Variants in SLCO4C1 observed in about 807,000 individuals in gnomAD.
SLCO4C1 encodes the protein organic anion transporter M1.
SLCO4C1 carries 58 observed loss-of-function variants against 72.1 expected under a neutral mutation model. That is an observed-to-expected ratio of 0.80 (90% CI 0.65 to 1.00). SLCO4C1 has a LOEUF of 1.00. Ranked by LOEUF, SLCO4C1 falls within the 50% of genes least tolerant of loss-of-function variation. The pLI is 0.00. For missense variants in SLCO4C1, 898 were observed against 857.9 expected, an observed-to-expected ratio of 1.05 and a Z score of -0.58; for synonymous variants, 297 against 312.5, an observed-to-expected ratio of 0.95 and a Z score of 0.52.
At position 102,236,977 on chromosome 5, in the gene SLCO4C1, C is replaced by A; in HGVS notation, c.2056G>T (p.Ala686Ser). 1 of 1,610,020 alleles carries A rather than the reference C, an allele frequency of 6.2e-7. No homozygotes were observed. The highest frequency in any genetic ancestry group is 8.5e-7 in the Non-Finnish European group (1 of 1,179,048). Residue 686 changes from alanine (A) to serine (S), a missense_variant, in exon 13 of 13, where the codon GCA (alanine) becomes TCA (serine). Coordinates refer to ENST00000310954, the MANE Select transcript of SLCO4C1 (RefSeq NM_180991.5). ...KVITMFFNGF[A>S]IFLYKPPPSA... ...GGAGGTGGTTTATACAAAAAGATTGCAAATCCATTGAAGAACATGGTGATA... is the reference window on the plus strand; with the variant it reads ...GGAGGTGGTTTATACAAAAAGATTGAAAATCCATTGAAGAACATGGTGATA...
Position 102,258,006 on chromosome 5 carries a change from A to C in SLCO4C1, c.1210T>G (p.Phe404Val). 1 of 1,610,270 alleles carries C rather than the reference A, an allele frequency of 6.2e-7. No individual in the cohort carries two copies. The highest frequency in any genetic ancestry group is 8.5e-7 in the Non-Finnish European group (1 of 1,178,670). Residue 404 changes from phenylalanine to valine, a missense_variant, in exon 7 of 13, where the codon TTT (phenylalanine) becomes GTT (valine). Coordinates refer to ENST00000310954, the MANE Select transcript of SLCO4C1 (RefSeq NM_180991.5). ...EALITTGFAT[F>V]LPKFIENQFG... ...TGATTTTCTATAAATTTAGGTAAAA[A>C]TGTAGCAAATCCAGTAGTAATTAAG...
chr5:102,252,930 A>C (rs1045683364), intron 8 of SLCO4C1, among the ~76,000 whole-genome samples: 1 of 152,136 alleles, frequency 6.6e-6, no homozygotes, highest in African/African-American at 2.4e-5. Flanking sequence ...GCATATATAA[A>C]CATCTTTATG....
Position 102,249,650 on chromosome 5 carries a change from G to A in SLCO4C1, c.1608C>T (p.His536=). ...CFAGCSNPVA[H]RKPKVYYNCS... The stretch of plus-strand genomic sequence containing the variant: ...AGACATAAGCTACCTTTGGCTTCCT[G>A]TGTGCAACTGGGTTTGAACAGCCTG... The change falls in exon 9 of 13, where the codon CAC becomes CAT. Residue 536 remains histidine (H), a synonymous_variant. Transcript: ENST00000310954. 6.2e-7 allele frequency: 1 copy of A among 1,613,682 alleles called. No individual in the cohort carries two copies. Among genetic ancestry groups the A allele is most frequent in the Non-Finnish European group, 8.5e-7 (1 of 1,179,852 alleles).
chr5:102,246,351 C>A (rs1220400865), intron 10 of SLCO4C1, among the ~76,000 whole-genome samples: 1 of 152,026 alleles, frequency 6.6e-6, no homozygotes, highest in East Asian at 1.9e-4. Flanking sequence ...TTCAAAGGAT[C>A]ATGAGTGGCT....
In SLCO4C1 at chr5:102,248,217, C is replaced by T. The variant is rs139083911; in HGVS notation, c.1621-775G>A. ...GAAATATAAGATTAAAACTGTATTGCTGTGAACAAATGTATATGGGTGCTT... is the reference window on the plus strand; with the variant it reads ...GAAATATAAGATTAAAACTGTATTGTTGTGAACAAATGTATATGGGTGCTT... On this transcript the variant is annotated intron_variant, in intron 9 of 12. Coordinates refer to ENST00000310954, the MANE Select transcript of SLCO4C1 (RefSeq NM_180991.5). Among the ~76,000 whole-genome samples the T allele has an allele frequency of 2.1e-3, 320 of 152,066 alleles. 3 individuals are homozygous for T. The highest frequency in any genetic ancestry group is 7.3e-3 in the African/African-American group (303 of 41,506).
chr5:102,295,470 C>T (rs759642286), intron 1 of SLCO4C1, among the ~76,000 whole-genome samples: 1 of 152,170 alleles, frequency 6.6e-6, no homozygotes, highest in Non-Finnish European at 1.5e-5. Flanking sequence ...CCCACTCCCA[C>T]CTGCAAACGT....
intron 3 of SLCO4C1, among the ~76,000 whole-genome samples, chr5:102,270,158 T>C (rs1304339549): frequency 6.6e-6 from 1 of 152,124 alleles, no homozygotes; most frequent in African/African-American, 2.4e-5. Flanking sequence ...TGCAGGAACA[T>C]AAGAGAAGGA....
At chr5:102,239,519 T>A in intron 11 of SLCO4C1, 131 bp from the exon 12 acceptor site, 2 of 546,634 alleles carry the variant, frequency 3.7e-6, no homozygotes, top group Non-Finnish European at 5.5e-6. Context: ...TGCAAATTAA[T>A]TCATGTACAA....
intron 3 of SLCO4C1, among the ~76,000 whole-genome samples, chr5:102,268,096 T>C (rs545155810): frequency 2.4e-4 from 36 of 152,082 alleles, no homozygotes; most frequent in Non-Finnish European, 4.7e-4. Flanking sequence ...TATATACCTG[T>C]TAGGTCAATT....
At chr5:102,254,676 A>T (rs1315473605) in intron 8 of SLCO4C1, among the ~76,000 whole-genome samples, 1 of 152,094 alleles carries the variant, frequency 6.6e-6, no homozygotes, top group East Asian at 1.9e-4. Context: ...GGCTCAGATG[A>T]TTGTCAGCAT....
chr5:102,283,161 T>G (rs1285261578), intron 2 of SLCO4C1, among the ~76,000 whole-genome samples: 1 of 151,796 alleles, frequency 6.6e-6, no homozygotes, highest in Non-Finnish European at 1.5e-5. Flanking sequence ...TGGTCAGACT[T>G]TGGGGATATG....
Position 102,270,645 on chromosome 5 carries a change from G to T in SLCO4C1, c.781C>A (p.His261Asn). ...TTACCTATATAGAGAGAAGACTTGT[G>T]TGTGGGCACAGAATCATCAAGAAAG... ...TAFLDDSVPT[H>N]KSSLYIGTGY... The change falls in exon 3 of 13, where the codon CAC (histidine) becomes AAC (asparagine). Residue 261 changes from histidine to asparagine, a missense_variant. By Grantham distance (68) the His-to-Asn change is moderately conservative (BLOSUM62 1). Coordinates refer to ENST00000310954, the MANE Select transcript of SLCO4C1 (RefSeq NM_180991.5). 6.2e-7 allele frequency: 1 copy of T among 1,611,918 alleles called. No individual in the cohort carries two copies. Among genetic ancestry groups the T allele is most frequent in the Non-Finnish European group, 8.5e-7 (1 of 1,178,984 alleles).
rs1748441955 is a variant in SLCO4C1, at chr5:102,236,707, T to C, written c.*151A>G. ...TCTGTTTCTTGCATAAAACAAAAAC[T>C]ACATAAGTAAAAAAATACATTTGAT... On this transcript the variant is annotated 3_prime_UTR_variant, in exon 13 of 13. Coordinates refer to ENST00000310954, the MANE Select transcript of SLCO4C1 (RefSeq NM_180991.5). 5.5e-6 allele frequency: 5 copies of C among 904,172 alleles called. No homozygotes were observed. The African/African-American group carries it at 8.6e-5, about 15-fold the overall frequency. The allele number at this position is 904,172 out of a possible 1,614,324, so 56.0% of individuals were successfully genotyped here.
intron 2 of SLCO4C1, among the ~76,000 whole-genome samples, chr5:102,285,259 ACACACACACACACATATATATTTT>A (rs1749430642): frequency 6.6e-6 from 1 of 150,954 alleles, no homozygotes; most frequent in African/African-American, 2.5e-5. Flanking sequence ...ACACATATAT[ACACACACACACACATATATATTTT>A]TTTTTGTTTG....
chr5:102,263,107 G>GT (rs1236793284), intron 4 of SLCO4C1, among the ~76,000 whole-genome samples: 5 of 152,128 alleles, frequency 3.3e-5, no homozygotes, highest in Non-Finnish European at 5.9e-5. Context: ...CAACCTGTGC[G>GT]TATCAACTAC....
In SLCO4C1 at chr5:102,236,177, A is replaced by G. The variant is rs1404354009; in HGVS notation, c.*681T>C. 1.3e-5 allele frequency: 2 copies of G among 152,224 alleles called. No individual in the cohort carries two copies. The highest frequency in any genetic ancestry group is 4.8e-5 in the African/African-American group (2 of 41,456). The allele number at this position is 152,224 out of a possible 1,614,324, so 9.4% of individuals were successfully genotyped here. ...CCTGGAATTCTTGAGTTAAAGTGAA[A>G]ATATGTGTATACAATGCTGATGTTT... On this transcript the variant is annotated 3_prime_UTR_variant, in exon 13 of 13. Transcript: ENST00000310954.
intron 3 of SLCO4C1, among the ~76,000 whole-genome samples, chr5:102,265,904 T>C (rs957781805): frequency 1.5e-4 from 23 of 152,242 alleles, no homozygotes; most frequent in Non-Finnish European, 2.5e-4. Flanking sequence ...TTGGGTAGTA[T>C]AGACAGTCAT....
chr5:102,282,405 C>G (rs759854294), intron 2 of SLCO4C1, among the ~76,000 whole-genome samples: 19 of 151,846 alleles, frequency 1.3e-4, no homozygotes, highest in Non-Finnish European at 2.5e-4. Context: ...AAAAGAAAAA[C>G]AGTGAATTGA....
intron 6 of SLCO4C1, 115 bp downstream of exon 6, chr5:102,260,098 A>G (rs1189786206): frequency 2.4e-5 from 6 of 249,416 alleles, no homozygotes; most frequent in Admixed American, 2.3e-4. Context: ...GTATATATAT[A>G]TGTGTGTATA....
Sources: allele counts gnomAD v4.1 joint callset (sites outside exome capture counted in the v4.1 genomes callset), GRCh38; gene constraint gnomAD v4.1.1; transcripts MANE v1.5; gene names NCBI Gene and HGNC (gene_info 2026-07-23, HGNC 2026-07-21).